COX10: variants seen among roughly 807,000 people sequenced by gnomAD.
COX10 encodes the protein protoheme IX farnesyltransferase, mitochondrial.
Under a neutral mutation model 37.3 loss-of-function variants are expected in COX10, and 27 were observed. The observed-to-expected ratio is 0.72, with a 90% CI of 0.53 to 1.00. The LOEUF is 1.00. Among genes scored for constraint, COX10 ranks in the 50% least tolerant of loss-of-function variants. COX10 has a pLI of 0.00. For synonymous variants in COX10, 222 were observed against 229.1 expected, an observed-to-expected ratio of 0.97 and a Z score of 0.28; for missense variants, 475 against 563.2, an observed-to-expected ratio of 0.84 and a Z score of 1.59.
At chr17:14,133,579 C>T (rs1039032981) in intron 4 of COX10, among the ~76,000 whole-genome samples, 4 of 151,464 alleles carry the variant, frequency 2.6e-5, no homozygotes, top group African/African-American at 9.7e-5. Context: ...AATAAATATA[C>T]TTAAAGGTAC....
intron 4 of COX10, among the ~76,000 whole-genome samples, chr17:14,154,721 A>T (rs1034946389): frequency 3.3e-5 from 5 of 152,228 alleles, no homozygotes; most frequent in Admixed American, 2.0e-4. Context: ...CATCACTTAC[A>T]CTGTCTTTTC....
At chr17:14,189,081 T>TC (rs1384138381) in intron 5 of COX10, among the ~76,000 whole-genome samples, 36 of 81,394 alleles carry the variant, frequency 4.4e-4, no homozygotes, top group Non-Finnish European at 7.2e-4. Context: ...ATTTTCTTCT[T>TC]TTTTTTTTTT....
chr17:14,115,082 A>T (rs1388821392), intron 4 of COX10, among the ~76,000 whole-genome samples: 1 of 152,156 alleles, frequency 6.6e-6, no homozygotes, highest in African/African-American at 2.4e-5. Context: ...ACAGGCACTC[A>T]GTGAATGGCT....
intron 3 of COX10, among the ~76,000 whole-genome samples, chr17:14,097,997 T>C (rs1915688111): frequency 6.6e-6 from 1 of 152,214 alleles, no homozygotes; most frequent in Non-Finnish European, 1.5e-5. Context: ...ATACTCATTA[T>C]AGATGTAACT....
intron 3 of COX10, among the ~76,000 whole-genome samples, chr17:14,098,741 C>T (rs970425664): frequency 4.6e-5 from 7 of 152,128 alleles, no homozygotes; most frequent in Non-Finnish European, 8.8e-5. Flanking sequence ...TCAGTAATCA[C>T]CATGGCATTT....
At chr17:14,106,232 G>A (rs1219981855) in intron 4 of COX10, among the ~76,000 whole-genome samples, 1 of 152,006 alleles carries the variant, frequency 6.6e-6, no homozygotes, top group African/African-American at 2.4e-5. Flanking sequence ...GGCTAGACTG[G>A]TCTTGAACTC....
intron 3 of COX10, among the ~76,000 whole-genome samples, chr17:14,100,815 TA>T (rs1181051646): frequency 3.7e-5 from 4 of 108,688 alleles, no homozygotes; most frequent in East Asian, 3.0e-4. Flanking sequence ...GGAGACCAGT[TA>T]GGGGGTAAAG....
chr17:14,131,125 A>G, intron 4 of COX10, among the ~76,000 whole-genome samples: 1 of 152,186 alleles, frequency 6.6e-6, no homozygotes, highest in East Asian at 1.9e-4. Context: ...ATGAATGACC[A>G]GCTCATTGAT....
chr17:14,174,452 C>G (rs1905589047), intron 5 of COX10, among the ~76,000 whole-genome samples: 1 of 129,138 alleles, frequency 7.7e-6, no homozygotes, highest in Non-Finnish European at 1.6e-5. Context: ...GAGCAAGACC[C>G]TGTCAAAAAA....
chr17:14,077,853 ATG>A (rs1228314029), intron 3 of COX10, among the ~76,000 whole-genome samples: 1 of 152,114 alleles, frequency 6.6e-6, no homozygotes, highest in African/African-American at 2.4e-5. Flanking sequence ...GTGGTAAATA[ATG>A]TTAGAGTCAG....
chr17:14,134,080 G>A (rs1047288509), intron 4 of COX10, among the ~76,000 whole-genome samples: 1 of 151,586 alleles, frequency 6.6e-6, no homozygotes, highest in African/African-American at 2.4e-5. Flanking sequence ...GTAAATGTTA[G>A]TAATATTTTT....
intron 4 of COX10, among the ~76,000 whole-genome samples, chr17:14,121,162 T>A (rs9891988): frequency 0.49 from 75,170 of 152,020 alleles, 18,773 homozygotes; most frequent in Admixed American, 0.53. Flanking sequence ...TCTCTTTTTA[T>A]ATCTTGTCTG....
At position 14,207,952 on chromosome 17, in the gene COX10, A is replaced by G. The variant is rs886052608; in HGVS notation, c.*739A>G. On this transcript the variant is annotated 3_prime_UTR_variant, in exon 7 of 7. Transcript: ENST00000261643. ...GACACTGTTGGAAGCAGTTCCTTCT[A>G]AAAGGGTAGCCCTGGACTTAATACC... is the stretch of plus-strand genomic sequence containing the variant. The G allele has an allele frequency of 6.6e-6, 1 of 152,310 alleles. No homozygotes were observed. Among genetic ancestry groups the G allele is most frequent in the East Asian group, 1.9e-4 (1 of 5,196 alleles). 9.4% of individuals were successfully genotyped at this position (152,310 alleles called of 1,614,324 possible). A position where few individuals can be genotyped will look rare whatever the true frequency, so the allele number is the denominator to read the frequency against.
chr17:14,196,873 C>T (rs55773604), intron 6 of COX10, among the ~76,000 whole-genome samples: 20,588 of 152,118 alleles, frequency 0.14, 1,950 homozygotes, highest in East Asian at 0.39. Flanking sequence ...CCTTTGAAGA[C>T]GCAGCTTGTT....
intron 4 of COX10, among the ~76,000 whole-genome samples, chr17:14,135,577 T>G (rs1413271327): frequency 6.6e-6 from 1 of 151,892 alleles, no homozygotes; most frequent in Non-Finnish European, 1.5e-5. Flanking sequence ...GAACTGCACT[T>G]TGAGAAACAC....
intron 1 of COX10, among the ~76,000 whole-genome samples, chr17:14,071,641 T>C (rs1567584360): frequency 6.7e-6 from 1 of 149,524 alleles, no homozygotes; most frequent in African/African-American, 2.5e-5. Context: ...CCCAGAACTT[T>C]GGGAGGCCAA....
chr17:14,070,311 C>A (rs1196002798), intron 1 of COX10, among the ~76,000 whole-genome samples: 3 of 152,168 alleles, frequency 2.0e-5, no homozygotes, highest in African/African-American at 7.2e-5. Context: ...CTACTTCTTT[C>A]TTTTCACATC....
At chr17:14,069,736 T>TG in intron 1 of COX10, 88 bp downstream of exon 1, 1 of 1,549,530 alleles carries the variant, frequency 6.5e-7, no homozygotes, top group African/African-American at 1.4e-5. Flanking sequence ...GCTGCAACCT[T>TG]GGGGAGCCCT....
chr17:14,140,024 A>G (rs535846099), intron 4 of COX10, among the ~76,000 whole-genome samples: 14 of 152,234 alleles, frequency 9.2e-5, no homozygotes, highest in Non-Finnish European at 1.8e-4. Context: ...TTCTTCCTCA[A>G]ACTAACCTTC....
Sources: allele counts gnomAD v4.1 joint callset (sites outside exome capture counted in the v4.1 genomes callset), GRCh38; gene constraint gnomAD v4.1.1; transcripts MANE v1.5; gene names NCBI Gene and HGNC (gene_info 2026-07-23, HGNC 2026-07-21).